The following SLC39A5 variants were observed in gnomAD, a reference collection of about 807,000 sequenced individuals.
The protein encoded by SLC39A5 is zinc transporter ZIP5.
Under a neutral mutation model 46.9 loss-of-function variants are expected in SLC39A5, and 42 were observed. That is an observed-to-expected ratio of 0.90 (90% CI 0.70 to 1.16). The LOEUF (loss-of-function observed/expected upper bound fraction) is 1.16. SLC39A5 is among the 50% of genes most tolerant of loss of function. The pLI is 0.00. For synonymous variants in SLC39A5, 311 were observed against 323.1 expected (o/e 0.96, Z 0.40); for missense variants, 677 against 686.8 (o/e 0.99, Z 0.16).
chr12:56,237,076 T>C, intron 11 of SLC39A5, 65 bp downstream of exon 11: 1 of 1,612,578 alleles, frequency 6.2e-7, no homozygotes, highest in Non-Finnish European at 8.5e-7. Flanking sequence ...GGGTAGAGCT[T>C]GGAGGCTGGT....
chr12:56,235,969 G>A (rs1310914975), intron 8 of SLC39A5, among the ~76,000 whole-genome samples: 1 of 152,176 alleles, frequency 6.6e-6, no homozygotes, highest in Non-Finnish European at 1.5e-5. Context: ...CTTGACTTGG[G>A]AGGTGGAGGT....
intron 12 of SLC39A5, 80 bp from the exon 13 acceptor site, chr12:56,237,508 T>C (rs1456804804): frequency 6.3e-7 from 1 of 1,599,150 alleles, no homozygotes; most frequent in Admixed American, 1.7e-5. Context: ...TGGGGGCTGC[T>C]GATGCTTTCT....
chr12:56,233,019 T>C (rs1870381519), intron 5 of SLC39A5, 147 bp downstream of exon 5: 1 of 800,288 alleles, frequency 1.2e-6, no homozygotes. Context: ...CCCAACACTT[T>C]GGGAGGCCGA....
chr12:56,236,315 C>A, intron 8 of SLC39A5, 81 bp from the exon 9 acceptor site: 1 of 1,318,014 alleles, frequency 7.6e-7, no homozygotes. Flanking sequence ...AGGTGTTCAT[C>A]TTCCCAGCTT....
intron 4 of SLC39A5, among the ~76,000 whole-genome samples, chr12:56,232,317 C>A (rs1006501826): frequency 2.6e-5 from 4 of 151,770 alleles, no homozygotes; most frequent in Non-Finnish European, 2.9e-5. Context: ...AGGCACACAC[C>A]ACCACGCCGG....
chr12:56,235,608 C>G lies in SLC39A5; in HGVS notation c.853C>G (p.Leu285Val). ...AGPGGLPEKD[L>V]GPGLSVLGGL... ...ACCTGGCGGACTACCAGAGAAGGACCTGGGCCCGGGGCTGTCAGTGCTCGG... is the reference window on the plus strand; with the variant it reads ...ACCTGGCGGACTACCAGAGAAGGACGTGGGCCCGGGGCTGTCAGTGCTCGG... Residue 285 changes from leucine to valine, a missense_variant, in exon 8 of 13, where the codon CTG becomes GTG. Coordinates refer to ENST00000454355, the MANE Select transcript of SLC39A5 (RefSeq NM_173596.3). The G allele has an allele frequency of 6.2e-7, 1 of 1,614,134 alleles. No homozygotes were observed. The highest frequency in any genetic ancestry group is 1.1e-5 in the South Asian group (1 of 91,080).
At chr12:56,236,892 T>C in intron 10 of SLC39A5, 39 bp from the exon 11 acceptor site, 1 of 1,611,800 alleles carries the variant, frequency 6.2e-7, no homozygotes, top group Non-Finnish European at 8.5e-7. Flanking sequence ...GAGGAGACTT[T>C]TCTTCTGGAC....
In SLC39A5 at chr12:56,235,149, C is replaced by T; in HGVS notation, c.635-8C>T. 6.5e-7 allele frequency: 1 copy of T among 1,540,308 alleles called. No homozygotes were observed. Among genetic ancestry groups the T allele is most frequent in the Non-Finnish European group, 8.7e-7 (1 of 1,144,476 alleles). On this transcript the variant is annotated splice_polypyrimidine_tract_variant and splice_region_variant and intron_variant, in intron 6 of 12. Coordinates refer to ENST00000454355, the MANE Select transcript of SLC39A5 (RefSeq NM_173596.3). ...CCTGACCTAACTTCAGCCCCTGATT[C>T]TCCCCAGCCCTGCTTCAGAGTGCCC... is the stretch of plus-strand genomic sequence containing the variant.
Position 56,237,156 on chromosome 12 carries a change from T to C in SLC39A5, c.1295T>C (p.Phe432Ser). 6.2e-7 allele frequency: 1 copy of C among 1,613,792 alleles called. No individual in the cohort carries two copies. The highest frequency in any genetic ancestry group is 8.5e-7 in the Non-Finnish European group (1 of 1,179,984). Residue 432 changes from phenylalanine (F) to serine (S), a missense_variant, in exon 12 of 13, where the codon TTT (phenylalanine) becomes TCT (serine). Coordinates refer to ENST00000454355, the MANE Select transcript of SLC39A5 (RefSeq NM_173596.3). ...TGTCCTCTGTCTCCAATAGGTGACT[T>C]TGCCATGCTGCTCCAGTCAGGGCTG... ...CHELPHELGD[F>S]AMLLQSGLSF...
At position 56,232,855 on chromosome 12, in the gene SLC39A5, G is replaced by T; in HGVS notation, c.454G>T (p.Asp152Tyr). The change falls in exon 5 of 13, where the codon GAC (aspartate) becomes TAC (tyrosine). Residue 152 changes from aspartate (D) to tyrosine (Y), a missense_variant. Transcript: ENST00000454355. Reference protein sequence around the residue: ...RLLLLDHSLADHLNEDCLNGS... With the variant: ...RLLLLDHSLAYHLNEDCLNGS... ...TCTGTTGCTGGACCACTCATTGGCT[G>T]ACCACCTGAATGAGGATGTGAGTCT... The T allele has an allele frequency of 6.2e-7, 1 of 1,611,208 alleles. No homozygotes were observed. Among genetic ancestry groups the T allele is most frequent in the Non-Finnish European group, 8.5e-7 (1 of 1,178,870 alleles).
chr12:56,233,310 C>T (rs1200435630), intron 5 of SLC39A5, among the ~76,000 whole-genome samples: 18 of 123,016 alleles, frequency 1.5e-4, no homozygotes, highest in Middle Eastern at 6.0e-3. Context: ...AATAGCTGGG[C>T]GTGGTGGCAC....
intron 8 of SLC39A5, 38 bp downstream of exon 8, chr12:56,235,738 A>G: frequency 6.2e-6 from 10 of 1,612,098 alleles, no homozygotes; most frequent in Non-Finnish European, 8.5e-6. Flanking sequence ...TGCTGAGACC[A>G]GAGTCCCAGT....
At position 56,237,618 on chromosome 12, in the gene SLC39A5, C is replaced by A; in HGVS notation, c.1510C>A (p.Leu504Met). 1 of 1,613,668 alleles carries A rather than the reference C, an allele frequency of 6.2e-7. No individual in the cohort carries two copies. Among genetic ancestry groups the A allele is most frequent in the East Asian group, 2.2e-5 (1 of 44,858 alleles). ...AGCCCTGCTTCGTCCTCCGGAGCCC[C>A]TGCCTACGCCCCATGTGCTCCTGCA... Reference protein sequence around the residue: ...LPALLRPPEPLPTPHVLLQGL... With the variant: ...LPALLRPPEPMPTPHVLLQGL... Residue 504 changes from leucine (L) to methionine (M), a missense_variant, in exon 13 of 13, where the codon CTG becomes ATG. By Grantham distance (15) the Leu-to-Met change is conservative. Coordinates refer to ENST00000454355, the MANE Select transcript of SLC39A5 (RefSeq NM_173596.3).
chr12:56,235,822 A>G, intron 8 of SLC39A5, 122 bp downstream of exon 8: 1 of 1,322,354 alleles, frequency 7.6e-7, no homozygotes, highest in South Asian at 1.2e-5. Flanking sequence ...AGGCGGGCAG[A>G]TCACAAGGTT....
intron 5 of SLC39A5, among the ~76,000 whole-genome samples, chr12:56,233,723 C>T (rs1198548580): frequency 6.6e-6 from 1 of 152,202 alleles, no homozygotes; most frequent in African/African-American, 2.4e-5. Flanking sequence ...ATTCCACTTA[C>T]ACCAGAGGGC....
Position 56,234,958 on chromosome 12 carries a change from C to G in SLC39A5, c.606C>G (p.Ala202=). The part of the protein sequence containing the change: ...IDSRVCIGAP[A]PAPPGDLLSA... Reference sequence around the variant, plus strand: ...GCCGCGTCTGCATCGGCGCTCCGGCCCCTGCACCCCCAGGGGATCTACTAT... The same window carrying G: ...GCCGCGTCTGCATCGGCGCTCCGGCGCCTGCACCCCCAGGGGATCTACTAT... The change falls in exon 6 of 13, where the codon GCC becomes GCG. Residue 202 remains alanine, a synonymous_variant. Transcript: ENST00000454355. 12 of 1,613,456 alleles carry G rather than the reference C, an allele frequency of 7.4e-6. No individual in the cohort carries two copies. The highest frequency in any genetic ancestry group is 9.3e-6 in the Non-Finnish European group (11 of 1,180,002).
At chr12:56,231,072 G>A in intron 3 of SLC39A5, 132 bp from the exon 4 acceptor site, 1 of 552,632 alleles carries the variant, frequency 1.8e-6, no homozygotes, top group East Asian at 3.0e-5. Flanking sequence ...GAGGCAGTGT[G>A]AAGGGAGAAA....
In SLC39A5 at chr12:56,236,399, T is replaced by C. The variant is rs780070246; in HGVS notation, c.949T>C (p.Cys317Arg). 1.9e-6 allele frequency: 3 copies of C among 1,614,182 alleles called. No individual in the cohort carries two copies. The highest frequency in any genetic ancestry group is 2.2e-5 in the East Asian group (1 of 44,888). Residue 317 changes from cysteine to arginine, a missense_variant, in exon 9 of 13, where the codon TGC becomes CGC. Coordinates refer to ENST00000454355, the MANE Select transcript of SLC39A5 (RefSeq NM_173596.3). The stretch of plus-strand genomic sequence containing the variant: ...GAGGGATGCCCTCCTATTTCAGAGA[T>C]GCTGCAGGCGAAAACGAAGGAATCT... Reference protein sequence around the residue: ...LLRHRGLRPRCCRRKRRNLET... With the variant: ...LLRHRGLRPRRCRRKRRNLET...
intron 5 of SLC39A5, among the ~76,000 whole-genome samples, chr12:56,233,479 A>T (rs991185830): frequency 4.7e-5 from 7 of 149,508 alleles, no homozygotes; most frequent in Admixed American, 6.7e-5. Context: ...ATAAAAAAAT[A>T]AAAAAAAAAT....
Sources: allele counts gnomAD v4.1 joint callset (sites outside exome capture counted in the v4.1 genomes callset), GRCh38; gene constraint gnomAD v4.1.1; transcripts MANE v1.5; gene names NCBI Gene and HGNC (gene_info 2026-07-23, HGNC 2026-07-21).